The following SH3KBP1 variants were observed in gnomAD, a reference collection of about 807,000 sequenced individuals.
SH3KBP1 encodes the protein SH3 domain-containing kinase-binding protein 1.
A neutral mutation model predicts 50.1 loss-of-function variants in SH3KBP1; 8 were observed. The ratio of observed to expected loss-of-function variants is 0.16; its 90% CI spans 0.09 to 0.29. The LOEUF (loss-of-function observed/expected upper bound fraction) is 0.29. Ranked by LOEUF, SH3KBP1 falls within the 10% of genes least tolerant of loss-of-function variation. The pLI, the probability that SH3KBP1 is intolerant of heterozygous loss-of-function variation, is 1.00. For synonymous variants in SH3KBP1, 227 were observed against 218.6 expected (o/e 1.04, Z -0.34); for missense variants, 377 against 535.2 (o/e 0.70, Z 2.92).
Position 19,887,448 on chromosome X carries a change from C to T in SH3KBP1, c.-138G>A. The T allele has an allele frequency of 2.1e-6, 1 of 474,826 alleles. No individual in the cohort carries two copies. The highest frequency in any genetic ancestry group is 3.0e-6 in the Non-Finnish European group (1 of 338,921). The allele number at this position is 474,826 out of a possible 1,213,427, so 39.1% of individuals were successfully genotyped here. ...CGGCGGCGGCTGGGCCGGCTTCTTC[C>T]TCAGTGGCGGCGGCGGCGGCTCAGC... is the stretch of plus-strand genomic sequence containing the variant. On this transcript the variant is annotated 5_prime_UTR_variant, in exon 1 of 18. Coordinates refer to ENST00000397821, the MANE Select transcript of SH3KBP1 (RefSeq NM_031892.3).
At chrX:19,675,095 A>G (rs1421953295) in intron 6 of SH3KBP1, among the ~76,000 whole-genome samples, 2 of 110,177 alleles carry the variant, frequency 1.8e-5, no homozygotes, top group Non-Finnish European at 3.8e-5. Flanking sequence ...ATAAATAAAT[A>G]AATAAATAAA....
At chrX:19,835,165 T>C (rs2068025184) in intron 2 of SH3KBP1, among the ~76,000 whole-genome samples, 1 of 112,453 alleles carries the variant, frequency 8.9e-6, no homozygotes, top group South Asian at 3.6e-4. Context: ...TTTGTTTGTT[T>C]ATTTATTTAG....
chrX:19,599,618 A>C (rs7065537), intron 9 of SH3KBP1, among the ~76,000 whole-genome samples: 13,675 of 111,872 alleles, frequency 0.12, 1,912 homozygotes, highest in African/African-American at 0.41. Context: ...TTACTAGCAG[A>C]GGGGGTTCAC....
In SH3KBP1 at chrX:19,754,714, G is replaced by A. The variant is rs143671095; in HGVS notation, c.163-8273C>T. Reference sequence around the variant, plus strand: ...GAATTCCTGACCTCAAGTGATCAGAGGCAGAATATTCTCAATTGAGCCCAA... The same window carrying A: ...GAATTCCTGACCTCAAGTGATCAGAAGCAGAATATTCTCAATTGAGCCCAA... On this transcript the variant is annotated intron_variant, in intron 2 of 17. Transcript: ENST00000397821. 1.8e-3 allele frequency among the ~76,000 whole-genome samples: 204 copies of A among 111,271 alleles called. 1 individual carries two copies. Among genetic ancestry groups the A allele is most frequent in the African/African-American group, 5.8e-3 (177 of 30,485 alleles).
chrX:19,633,916 C>G (rs2061634694), intron 7 of SH3KBP1, among the ~76,000 whole-genome samples: 1 of 111,101 alleles, frequency 9.0e-6, no homozygotes, highest in African/African-American at 3.3e-5. Context: ...TAATGTTAAT[C>G]TCACTCTCTT....
chrX:19,750,956 CA>C lies in SH3KBP1; in HGVS notation c.163-4516del, dbSNP rs746997295. 3.6e-5 allele frequency among the ~76,000 whole-genome samples: 4 copies of C among 111,611 alleles called. No individual in the cohort carries two copies. The East Asian group carries it at 1.1e-3, about 31-fold the overall frequency. ...CAAGGGGCAGAGCTGGCCATGAAACCAAACTCTGAGCCTTCTAGGCAGAGCT... is the reference window on the plus strand; with the variant it reads ...CAAGGGGCAGAGCTGGCCATGAAACCAACTCTGAGCCTTCTAGGCAGAGCT... On this transcript the variant is annotated intron_variant, in intron 2 of 17. Transcript: ENST00000397821.
chrX:19,809,119 G>A (rs780528850), intron 2 of SH3KBP1, among the ~76,000 whole-genome samples: 6 of 111,875 alleles, frequency 5.4e-5, no homozygotes, highest in Non-Finnish European at 7.5e-5. Context: ...ACAGCACTTG[G>A]TTCTTGTTCA....
intron 14 of SH3KBP1, among the ~76,000 whole-genome samples, chrX:19,547,104 G>A (rs1186486425): frequency 9.2e-6 from 1 of 109,183 alleles, no homozygotes; most frequent in Non-Finnish European, 1.9e-5. Flanking sequence ...GTGAGCCATT[G>A]ACATTGCACC....
chrX:19,770,705 ATTTT>A (rs764474915), intron 2 of SH3KBP1, among the ~76,000 whole-genome samples: 1 of 96,847 alleles, frequency 1.0e-5, no homozygotes, highest in South Asian at 4.6e-4. Context: ...CCAGCATGTT[ATTTT>A]TTTTTTTTTT....
intron 14 of SH3KBP1, among the ~76,000 whole-genome samples, chrX:19,549,665 C>T (rs2065184974): frequency 9.0e-6 from 1 of 111,664 alleles, no homozygotes; most frequent in Non-Finnish European, 1.9e-5. Context: ...ACCCATAAAA[C>T]GTGATTTTTT....
At chrX:19,730,147 C>CT (rs746170939) in intron 3 of SH3KBP1, among the ~76,000 whole-genome samples, 15 of 110,678 alleles carry the variant, frequency 1.4e-4, no homozygotes, top group Non-Finnish European at 2.1e-4. Context: ...TGCTTTAAAG[C>CT]TTTTTTTTAA....
At chrX:19,853,536 C>T (rs1341406019) in intron 1 of SH3KBP1, among the ~76,000 whole-genome samples, 5 of 110,691 alleles carry the variant, frequency 4.5e-5, no homozygotes, top group Non-Finnish European at 7.6e-5. Context: ...CTTTGCAGAC[C>T]CAGAAAAAAA....
intron 1 of SH3KBP1, among the ~76,000 whole-genome samples, chrX:19,866,734 C>T (rs931718344): frequency 5.5e-5 from 6 of 109,733 alleles, no homozygotes; most frequent in African/African-American, 2.0e-4. Flanking sequence ...TTTCTGTTAA[C>T]GGCTAATCAA....
At chrX:19,549,781 A>C (rs912034371) in intron 14 of SH3KBP1, among the ~76,000 whole-genome samples, 193 bp downstream of exon 14, 10 of 112,255 alleles carry the variant, frequency 8.9e-5, no homozygotes, top group African/African-American at 3.2e-4. Flanking sequence ...CACAAAGAAC[A>C]AATAGAAAGA....
intron 1 of SH3KBP1, among the ~76,000 whole-genome samples, chrX:19,885,191 G>A (rs957835942): frequency 2.7e-5 from 3 of 111,102 alleles, no homozygotes. Context: ...GGGAAAGGGT[G>A]GGCCTCTGTC....
chrX:19,834,756 A>G (rs1292809791), intron 2 of SH3KBP1, among the ~76,000 whole-genome samples: 1 of 111,828 alleles, frequency 8.9e-6, no homozygotes, highest in Non-Finnish European at 1.9e-5. Flanking sequence ...TGAGCTGGGC[A>G]TGGTGGCTCA....
At chrX:19,537,920 G>A in intron 16 of SH3KBP1, 140 bp from the exon 17 acceptor site, 1 of 542,697 alleles carries the variant, frequency 1.8e-6, no homozygotes, top group Admixed American at 3.4e-5. Context: ...TATTTTCTTT[G>A]CATTGTTACT....
intron 2 of SH3KBP1, among the ~76,000 whole-genome samples, chrX:19,813,521 A>G (rs2067269869): frequency 8.9e-6 from 1 of 112,014 alleles, no homozygotes; most frequent in Admixed American, 9.4e-5. Flanking sequence ...TCAAATTTTA[A>G]GTATGTAATG....
At chrX:19,678,369 T>C (rs1321974944) in intron 6 of SH3KBP1, among the ~76,000 whole-genome samples, 1 of 107,311 alleles carries the variant, frequency 9.3e-6, no homozygotes, top group African/African-American at 3.4e-5. Context: ...TTTTTTATGA[T>C]GATGGGGGAT....
Sources: allele counts gnomAD v4.1 joint callset (sites outside exome capture counted in the v4.1 genomes callset), GRCh38; gene constraint gnomAD v4.1.1; transcripts MANE v1.5; gene names NCBI Gene and HGNC (gene_info 2026-07-23, HGNC 2026-07-21).